UGT1A10: variants seen among roughly 807,000 people sequenced by gnomAD.
The protein encoded by UGT1A10 is UDP-glucuronosyltransferase 1A10.
A neutral mutation model predicts 45.8 loss-of-function variants in UGT1A10; 49 were observed. The observed-to-expected ratio is 1.07, with a 90% CI of 0.85 to 1.36. The LOEUF is 1.36. Ranked by LOEUF, UGT1A10 falls within the 40% of genes most tolerant of loss-of-function variation. UGT1A10 has a pLI of 0.00. For missense variants in UGT1A10, 745 were observed against 668.6 expected (o/e 1.11, Z -1.26); for synonymous variants, 284 against 249.7 (o/e 1.14, Z -1.29).
At chr2:233,640,363 G>A (rs891075598) in intron 1 of UGT1A10, among the ~76,000 whole-genome samples, 1 of 151,700 alleles carries the variant, frequency 6.6e-6, no homozygotes, top group African/African-American at 2.4e-5. Context: ...GAAATTCTTG[G>A]CTTGTCATTC....
intron 1 of UGT1A10, among the ~76,000 whole-genome samples, chr2:233,716,770 G>C (rs1477452949): frequency 6.6e-6 from 1 of 152,158 alleles, no homozygotes; most frequent in African/African-American, 2.4e-5. Context: ...GATCACTCAG[G>C]TCAGGCTTTC....
intron 1 of UGT1A10, chr2:233,648,928 C>A: frequency 7.2e-7 from 1 of 1,394,266 alleles, no homozygotes; most frequent in Non-Finnish European, 1.0e-6. Context: ...AATTTGGTTG[C>A]TGCGAATGGA....
intron 1 of UGT1A10, among the ~76,000 whole-genome samples, chr2:233,684,769 G>C (rs906347974): frequency 2.0e-5 from 3 of 152,104 alleles, no homozygotes; most frequent in Admixed American, 6.5e-5. Context: ...AGATCATAAA[G>C]AGTGCCCTTT....
In UGT1A10 at chr2:233,772,878, G is replaced by T; in HGVS notation, c.*319G>T. 3.5e-6 allele frequency: 2 copies of T among 577,672 alleles called. No individual in the cohort carries two copies. The highest frequency in any genetic ancestry group is 5.2e-5 in the East Asian group (1 of 19,352). The allele number at this position is 577,672 out of a possible 1,614,324, so 35.8% of individuals were successfully genotyped here. A position where few individuals can be genotyped will look rare whatever the true frequency, so the allele number is the denominator to read the frequency against. Reference sequence around the variant, plus strand: ...GAAACATGGCCTGTTTGGGAGTGCGGGATTCAAAGGTGGTCCCACGGCTGC... The same window carrying T: ...GAAACATGGCCTGTTTGGGAGTGCGTGATTCAAAGGTGGTCCCACGGCTGC... On this transcript the variant is annotated 3_prime_UTR_variant, in exon 5 of 5. Transcript: ENST00000344644.
At chr2:233,671,807 A>AT (rs3832043) in intron 1 of UGT1A10, 519 of 1,368,990 alleles carry the variant, frequency 3.8e-4, no homozygotes, top group Admixed American at 1.6e-3. Flanking sequence ...TCAGTGACTG[A>AT]TTTTTTTTTT....
intron 1 of UGT1A10, among the ~76,000 whole-genome samples, chr2:233,734,366 T>C (rs578211263): frequency 4.6e-5 from 7 of 152,208 alleles, no homozygotes; most frequent in Non-Finnish European, 1.0e-4. Flanking sequence ...GGATCGGTGG[T>C]GATATTGCCT....
At chr2:233,730,000 A>T (rs569428615) in intron 1 of UGT1A10, 15 of 1,614,004 alleles carry the variant, frequency 9.3e-6, no homozygotes, top group Non-Finnish European at 1.1e-5. Flanking sequence ...TCAGGTCTGT[A>T]TTGGTGCCTT....
At chr2:233,752,307 G>C (rs1030795011) in intron 1 of UGT1A10, 2 of 152,160 alleles carry the variant, frequency 1.3e-5, no homozygotes, top group African/African-American at 4.8e-5. Context: ...TTCCTTGCCC[G>C]GTGTGCTTGG....
intron 1 of UGT1A10, chr2:233,691,559 G>A: frequency 2.0e-6 from 2 of 985,630 alleles, no homozygotes; most frequent in Non-Finnish European, 2.4e-6. Flanking sequence ...GTAATTCAAG[G>A]TACCACCTCT....
rs753512191 is a variant in UGT1A10 at position 233,755,032 on chromosome 2, C to T, written c.856-12002C>T. The T allele has an allele frequency of 5.3e-6, 7 of 1,314,500 alleles. No individual in the cohort carries two copies. In the Admixed American group the frequency reaches 9.5e-5, roughly 18 times the overall value. The allele number at this position is 1,314,500 out of a possible 1,614,324, so 81.4% of individuals were successfully genotyped here. A position where few individuals can be genotyped will look rare whatever the true frequency, so the allele number is the denominator to read the frequency against. ...TCGAAGGGGTCCTTGAAGGGCCTGC[C>T]GCCTGCGCAGCCGCCCTCCGCCCTC... On this transcript the variant is annotated intron_variant, in intron 1 of 4. Coordinates refer to ENST00000344644, the MANE Select transcript of UGT1A10 (RefSeq NM_019075.4).
chr2:233,722,742 T>C (rs1475183265), intron 1 of UGT1A10, among the ~76,000 whole-genome samples: 1 of 152,178 alleles, frequency 6.6e-6, no homozygotes, highest in African/African-American at 2.4e-5. Flanking sequence ...TTTGATGCAG[T>C]GACTGTCTAT....
chr2:233,756,940 T>G (rs1408779384), intron 1 of UGT1A10, among the ~76,000 whole-genome samples: 1 of 152,052 alleles, frequency 6.6e-6, no homozygotes, highest in Non-Finnish European at 1.5e-5. Context: ...TTACATAACC[T>G]GAAACCCGGA....
intron 1 of UGT1A10, chr2:233,717,996 A>G (rs2076620748): frequency 2.4e-6 from 1 of 421,104 alleles, no homozygotes; most frequent in Non-Finnish European, 4.8e-6. Context: ...AGACTGTGCA[A>G]GATCTGAGGC....
At chr2:233,704,702 C>A (rs1232515090) in intron 1 of UGT1A10, among the ~76,000 whole-genome samples, 1 of 152,078 alleles carries the variant, frequency 6.6e-6, no homozygotes, top group African/African-American at 2.4e-5. Context: ...GGTATCATTT[C>A]TTAGCCCAAT....
intron 1 of UGT1A10, among the ~76,000 whole-genome samples, chr2:233,647,012 CA>C (rs2073623412): frequency 6.6e-6 from 1 of 152,196 alleles, no homozygotes; most frequent in South Asian, 2.1e-4. Context: ...GGGGAGGCCT[CA>C]CAATCATGGC....
chr2:233,749,530 G>T (rs1211787123), intron 1 of UGT1A10, among the ~76,000 whole-genome samples: 2 of 151,832 alleles, frequency 1.3e-5, no homozygotes, highest in Non-Finnish European at 2.9e-5. Flanking sequence ...GCTAATTTTC[G>T]AGTGTGGTAA....
At chr2:233,643,740 C>T (rs1304212707) in intron 1 of UGT1A10, among the ~76,000 whole-genome samples, 1 of 152,162 alleles carries the variant, frequency 6.6e-6, no homozygotes, top group African/African-American at 2.4e-5. Flanking sequence ...ATTCAGGTTC[C>T]AAGGTCTCTT....
rs1406835631 is a variant in UGT1A10 at position 233,768,368 on chromosome 2, G to T, written c.1224G>T (p.Val408=). The T allele has an allele frequency of 6.2e-7, 1 of 1,614,116 alleles. No individual in the cohort carries two copies. The highest frequency in any genetic ancestry group is 2.2e-5 in the East Asian group (1 of 44,876). Residue 408 remains valine, a synonymous_variant, in exon 4 of 5, where the codon GTG becomes GTT. Coordinates refer to ENST00000344644, the MANE Select transcript of UGT1A10 (RefSeq NM_019075.4). ...AKRMETKGAG[V]TLNVLEMTSE... ...GCATGGAGACTAAGGGAGCTGGAGT[G>T]ACCCTGAATGTTCTGGAAATGACTT...
intron 1 of UGT1A10, among the ~76,000 whole-genome samples, chr2:233,640,295 C>A (rs960364104): frequency 1.3e-5 from 2 of 152,120 alleles, no homozygotes; most frequent in South Asian, 2.1e-4. Flanking sequence ...TGTATTAATT[C>A]ATCTATCCCC....
Sources: allele counts gnomAD v4.1 joint callset (sites outside exome capture counted in the v4.1 genomes callset), GRCh38; gene constraint gnomAD v4.1.1; transcripts MANE v1.5; gene names NCBI Gene and HGNC (gene_info 2026-07-23, HGNC 2026-07-21).